CAB39L: variants seen among roughly 807,000 people sequenced by gnomAD.
CAB39L encodes the protein calcium binding protein 39 like, also known as calcium-binding protein 39-like.
Under a neutral mutation model 39.1 loss-of-function variants are expected in CAB39L, and 23 were observed. That is an observed-to-expected ratio of 0.59 (90% CI 0.42 to 0.83). The LOEUF (loss-of-function observed/expected upper bound fraction) is 0.83. Among genes scored for constraint, CAB39L ranks in the 40% least tolerant of loss-of-function variants. The pLI is 0.00. For synonymous variants in CAB39L, 126 were observed against 137.2 expected, an observed-to-expected ratio of 0.92 and a Z score of 0.57; for missense variants, 366 against 391.9, an observed-to-expected ratio of 0.93 and a Z score of 0.56.
intron 3 of CAB39L, chr13:49,413,996 G>A (rs1434671147): frequency 1.3e-5 from 2 of 152,112 alleles, no homozygotes; most frequent in African/African-American, 4.8e-5. Context: ...CCAACGGCAA[G>A]GACATACCTC....
In CAB39L at chr13:49,359,800, G is replaced by A. The variant is rs760558512; in HGVS notation, c.309C>T (p.Asn103=). 1 of 1,611,406 alleles carries A rather than the reference G, an allele frequency of 6.2e-7. No homozygotes were observed. Among genetic ancestry groups the A allele is most frequent in the South Asian group, 1.1e-5 (1 of 90,962 alleles). Reference sequence around the variant, plus strand: ...GAGTGCCTATCTGTCTTCTCAAGATGTTGTTAAATATCTGGGTCACATCTT... The same window carrying A: ...GAGTGCCTATCTGTCTTCTCAAGATATTGTTAAATATCTGGGTCACATCTT... ...GKKDVTQIFN[N]ILRRQIGTRS... Residue 103 remains asparagine, a synonymous_variant, in exon 6 of 11, where the codon AAC becomes AAT. Transcript: ENST00000409308.
Position 49,308,965 on chromosome 13 carries a change from G to C in CAB39L, c.*1849C>G, listed in dbSNP as rs1052915233. 1.3e-5 allele frequency: 2 copies of C among 152,156 alleles called. No individual in the cohort carries two copies. Among genetic ancestry groups the C allele is most frequent in the Non-Finnish European group, 2.9e-5 (2 of 68,016 alleles). 9.4% of individuals were successfully genotyped at this position (152,156 alleles called of 1,614,324 possible). A position where few individuals can be genotyped will look rare whatever the true frequency, so the allele number is the denominator to read the frequency against. On this transcript the variant is annotated 3_prime_UTR_variant, in exon 11 of 11. Coordinates refer to ENST00000409308, the MANE Select transcript of CAB39L (RefSeq NM_001079670.3). ...TTTATCAGAAAAGAATAATAACAAG[G>C]CCTCACTCTCCAAAGGAAAACAGAC...
At chr13:49,377,199 A>C in intron 4 of CAB39L, 68 bp from the exon 5 acceptor site, 1 of 1,363,972 alleles carries the variant, frequency 7.3e-7, no homozygotes, top group Non-Finnish European at 1.0e-6. Flanking sequence ...AAACAAACAA[A>C]TAATCCAAAA....
intron 3 of CAB39L, among the ~76,000 whole-genome samples, chr13:49,386,664 T>C (rs990492083): frequency 2.0e-5 from 3 of 152,154 alleles, no homozygotes; most frequent in Admixed American, 6.6e-5. Flanking sequence ...GATCCATATT[T>C]TGAAGGAAAT....
chr13:49,328,745 G>T (rs1201198799), intron 10 of CAB39L, among the ~76,000 whole-genome samples: 2 of 152,152 alleles, frequency 1.3e-5, no homozygotes, highest in African/African-American at 4.8e-5. Context: ...TGAGGCAGGA[G>T]AACTGCTTGA....
At chr13:49,394,884 A>G (rs941143428) in intron 3 of CAB39L, among the ~76,000 whole-genome samples, 3 of 152,216 alleles carry the variant, frequency 2.0e-5, no homozygotes, top group African/African-American at 7.2e-5. Context: ...AAATATTTCC[A>G]AAGAATGTGA....
At chr13:49,326,549 C>T (rs182297235) in intron 10 of CAB39L, among the ~76,000 whole-genome samples, 35 of 152,282 alleles carry the variant, frequency 2.3e-4, no homozygotes, top group African/African-American at 8.2e-4. Flanking sequence ...TTGCACCCTA[C>T]GGAAGGTGCT....
chr13:49,375,671 A>C (rs760399832), intron 5 of CAB39L, among the ~76,000 whole-genome samples: 2 of 152,132 alleles, frequency 1.3e-5, no homozygotes, highest in Non-Finnish European at 2.9e-5. Flanking sequence ...GGGGAGGGAT[A>C]GCATAAGGAG....
chr13:49,435,644 G>T (rs1419152331), intron 1 of CAB39L, among the ~76,000 whole-genome samples: 2 of 152,076 alleles, frequency 1.3e-5, no homozygotes, highest in African/African-American at 4.8e-5. Context: ...GGGATTATAG[G>T]TGCTCACCAT....
chr13:49,356,272 T>A (rs1368834125), intron 6 of CAB39L, among the ~76,000 whole-genome samples: 1 of 152,154 alleles, frequency 6.6e-6, no homozygotes, highest in South Asian at 2.1e-4. Context: ...AAATTTTTTA[T>A]AATAAACTTA....
In CAB39L at chr13:49,410,052, C is replaced by T. The variant is rs914271916; in HGVS notation, c.-32+23266G>A. 3.3e-5 allele frequency among the ~76,000 whole-genome samples: 5 copies of T among 152,106 alleles called. No individual in the cohort carries two copies. In the South Asian group the frequency reaches 8.3e-4, roughly 25 times the overall value. On this transcript the variant is annotated intron_variant, in intron 3 of 10. Coordinates refer to ENST00000409308, the MANE Select transcript of CAB39L (RefSeq NM_001079670.3). Reference sequence around the variant, plus strand: ...CACTTATATCTAAACAATATAACAACGCTAAGTACATGCTATGCTTTTCCA... The same window carrying T: ...CACTTATATCTAAACAATATAACAATGCTAAGTACATGCTATGCTTTTCCA...
At chr13:49,394,510 A>G (rs1333566542) in intron 3 of CAB39L, among the ~76,000 whole-genome samples, 1 of 152,100 alleles carries the variant, frequency 6.6e-6, no homozygotes, top group Non-Finnish European at 1.5e-5. Context: ...CTGGCTTTAT[A>G]GTAATTCCAT....
intron 7 of CAB39L, among the ~76,000 whole-genome samples, chr13:49,349,260 A>C (rs1955270255): frequency 6.6e-6 from 1 of 152,068 alleles, no homozygotes; most frequent in South Asian, 2.1e-4. Flanking sequence ...TAGTATATGG[A>C]CTATATCGAT....
At chr13:49,377,866 A>G (rs1956124548) in intron 4 of CAB39L, among the ~76,000 whole-genome samples, 1 of 83,992 alleles carries the variant, frequency 1.2e-5, no homozygotes, top group Non-Finnish European at 2.4e-5. Flanking sequence ...CTGGAAAGTG[A>G]GGAGCGTCTC....
At chr13:49,392,360 AACAGGCGGTGGTTC>A (rs11275733) in intron 3 of CAB39L, among the ~76,000 whole-genome samples, 5,391 of 151,162 alleles carry the variant, frequency 0.036, 236 homozygotes, top group African/African-American at 0.099. Flanking sequence ...GAAACAGAGG[AACAGGCGGTGGTTC>A]ACGCCTGTAA....
chr13:49,347,766 G>C (rs940045735), intron 7 of CAB39L, among the ~76,000 whole-genome samples: 1 of 152,044 alleles, frequency 6.6e-6, no homozygotes, highest in African/African-American at 2.4e-5. Context: ...AGCCACTCCT[G>C]GGATTTCCAA....
chr13:49,425,770 G>A (rs1192267367), intron 3 of CAB39L, among the ~76,000 whole-genome samples: 1 of 152,118 alleles, frequency 6.6e-6, no homozygotes, highest in East Asian at 1.9e-4. Flanking sequence ...AAATACAGAG[G>A]GAAATGTTGG....
In CAB39L at chr13:49,310,792, G is replaced by C; in HGVS notation, c.*22C>G. 6.2e-7 allele frequency: 1 copy of C among 1,609,926 alleles called. No individual in the cohort carries two copies. Among genetic ancestry groups the C allele is most frequent in the Non-Finnish European group, 8.5e-7 (1 of 1,177,498 alleles). ...AACTGGACAAATGAGACGACTGACT[G>C]TGACAGGGGCCGGGGAGCTCTTCAA... On this transcript the variant is annotated 3_prime_UTR_variant, in exon 11 of 11. Coordinates refer to ENST00000409308, the MANE Select transcript of CAB39L (RefSeq NM_001079670.3).
Position 49,422,549 on chromosome 13 carries a change from G to T in CAB39L, c.-32+10769C>A, listed in dbSNP as rs1594088766. 5.9e-5 allele frequency among the ~76,000 whole-genome samples: 9 copies of T among 152,146 alleles called. 1 individual carries two copies. In the South Asian group the frequency reaches 1.9e-3, roughly 32 times the overall value. On this transcript the variant is annotated intron_variant, in intron 3 of 10. Coordinates refer to ENST00000409308, the MANE Select transcript of CAB39L (RefSeq NM_001079670.3). ...GATTGTGCCACTGCACTCCAGCCTG[G>T]GAGACAGAGCGAGACTCTGTCTCAA...
Sources: allele counts gnomAD v4.1 joint callset (sites outside exome capture counted in the v4.1 genomes callset), GRCh38; gene constraint gnomAD v4.1.1; transcripts MANE v1.5; gene names NCBI Gene and HGNC (gene_info 2026-07-23, HGNC 2026-07-21).